The following TAX1BP1 variants were observed in gnomAD, a reference collection of about 807,000 sequenced individuals.
TAX1BP1 encodes Tax1 binding protein 1.
In TAX1BP1, 62 loss-of-function variants were observed where a neutral mutation model predicts 97.7. That is an observed-to-expected ratio of 0.63 (90% CI 0.52 to 0.78). The LOEUF (loss-of-function observed/expected upper bound fraction) is 0.78, where lower values mean the gene tolerates loss of function less well. Ranked by LOEUF, TAX1BP1 falls within the 30% of genes least tolerant of loss-of-function variation. The pLI, the probability that TAX1BP1 is intolerant of heterozygous loss-of-function variation, is 0.00. For synonymous variants in TAX1BP1, 340 were observed against 304.2 expected (o/e 1.12, Z -1.23); for missense variants, 867 against 916.1 (o/e 0.95, Z 0.69).
chr7:27,803,229 A>G, intron 13 of TAX1BP1: 1 of 1,407,272 alleles, frequency 7.1e-7, no homozygotes, highest in Non-Finnish European at 9.4e-7. Context: ...AAACTGAATA[A>G]TAATAGAGCT....
upstream of TAX1BP1, chr7:27,739,430 C>T (rs947928084): frequency 1.3e-5 from 2 of 152,114 alleles, no homozygotes; most frequent in African/African-American, 2.4e-5. Context: ...TGTGGAGTTA[C>T]GATTCAAACT....
Position 27,782,406 on chromosome 7 carries a change from A to AT in TAX1BP1, c.613-2747dup, listed in dbSNP as rs148444978. 8.7e-3 allele frequency among the ~76,000 whole-genome samples: 1,294 copies of AT among 149,084 alleles called. 8 individuals are homozygous for AT. The highest frequency in any genetic ancestry group is 0.015 in the Admixed American group (231 of 14,920). ...AGGCACACACCACCACGCCCAGCTA[A>AT]TTTTTTTTTTCTTTGGTATTTTTAG... On this transcript the variant is annotated intron_variant, in intron 5 of 16. Coordinates refer to ENST00000396319, the MANE Select transcript of TAX1BP1 (RefSeq NM_006024.7).
intron 5 of TAX1BP1, among the ~76,000 whole-genome samples, chr7:27,770,484 T>TA (rs1297980572): frequency 2.6e-5 from 4 of 152,092 alleles, no homozygotes; most frequent in African/African-American, 9.6e-5. Flanking sequence ...TTCTGAAACT[T>TA]ACACAGACTG....
chr7:27,821,634 CA>C (rs372220008), intron 15 of TAX1BP1, among the ~76,000 whole-genome samples: 106 of 125,284 alleles, frequency 8.5e-4, no homozygotes, highest in Middle Eastern at 4.6e-3. Flanking sequence ...GACTCGGTCT[CA>C]AAAAAAAAAA....
At chr7:27,744,187 T>C (rs950058879) in intron 1 of TAX1BP1, among the ~76,000 whole-genome samples, 20 of 152,308 alleles carry the variant, frequency 1.3e-4, no homozygotes, top group Non-Finnish European at 2.4e-4. Flanking sequence ...TGCAATGGCG[T>C]GATCTCAGCT....
chr7:27,793,732 G>A (rs986008249), intron 10 of TAX1BP1, among the ~76,000 whole-genome samples: 5 of 152,292 alleles, frequency 3.3e-5, no homozygotes, highest in African/African-American at 9.6e-5. Flanking sequence ...CAAAGAAGAT[G>A]TTTTTGTTTT....
intron 5 of TAX1BP1, among the ~76,000 whole-genome samples, chr7:27,782,397 G>C (rs1176134784): frequency 1.3e-5 from 2 of 151,664 alleles, no homozygotes; most frequent in African/African-American, 4.8e-5. Flanking sequence ...ACACCACCAC[G>C]CCCAGCTAAT....
intron 11 of TAX1BP1, among the ~76,000 whole-genome samples, chr7:27,795,026 G>A (rs1032640543): frequency 6.6e-6 from 1 of 152,122 alleles, no homozygotes; most frequent in Non-Finnish European, 1.5e-5. Context: ...TGAAAACTTG[G>A]ATTAACTAGG....
Position 27,793,084 on chromosome 7 carries a change from G to T in TAX1BP1, c.1282G>T (p.Glu428Ter). The T allele has an allele frequency of 1.2e-6, 2 of 1,600,542 alleles. No homozygotes were observed. The highest frequency in any genetic ancestry group is 1.8e-5 in the Admixed American group (1 of 55,422). Residue 428 changes from glutamate to a stop codon, truncating the protein, a stop_gained, in exon 10 of 17, where the codon GAA becomes TAA. Transcript: ENST00000396319. LOFTEE classifies it high-confidence loss of function. ...KKDQDKTDTL[E>*]HELRREVEDL... Reference sequence around the variant, plus strand: ...TTTCTAGGACAAGACTGATACACTGGAACACGAACTAAGAAGAGAAGTTGA... The same window carrying T: ...TTTCTAGGACAAGACTGATACACTGTAACACGAACTAAGAAGAGAAGTTGA...
chr7:27,821,293 C>T (rs1790963630), intron 15 of TAX1BP1, among the ~76,000 whole-genome samples: 1 of 151,976 alleles, frequency 6.6e-6, no homozygotes, highest in Non-Finnish European at 1.5e-5. Flanking sequence ...GTGTTTGTTC[C>T]ATTTTTGCCT....
intron 9 of TAX1BP1, among the ~76,000 whole-genome samples, chr7:27,792,436 A>G (rs1789754748): frequency 6.6e-6 from 1 of 152,190 alleles, no homozygotes; most frequent in South Asian, 2.1e-4. Context: ...AGAATTCTTA[A>G]TGGTTGGTGA....
intron 11 of TAX1BP1, among the ~76,000 whole-genome samples, chr7:27,794,870 T>C (rs558737836): frequency 6.6e-6 from 1 of 152,344 alleles, no homozygotes; most frequent in South Asian, 2.1e-4. Flanking sequence ...CATATTTTTC[T>C]ATTTATTCAT....
At chr7:27,797,806 G>T (rs187646080) in intron 12 of TAX1BP1, among the ~76,000 whole-genome samples, 3 of 149,318 alleles carry the variant, frequency 2.0e-5, no homozygotes, top group Admixed American at 2.0e-4. Flanking sequence ...TTGAAAGGAA[G>T]ATAGAATAAT....
intron 2 of TAX1BP1, among the ~76,000 whole-genome samples, chr7:27,751,201 T>C (rs1271103843): frequency 6.6e-6 from 1 of 152,052 alleles, no homozygotes; most frequent in African/African-American, 2.4e-5. Context: ...GAAAAAAAAA[T>C]CTTCTGTTTA....
chr7:27,825,930 A>G (rs1428552527), intron 15 of TAX1BP1, among the ~76,000 whole-genome samples: 2 of 152,200 alleles, frequency 1.3e-5, no homozygotes, highest in East Asian at 3.8e-4. Context: ...ATCTTTTCCA[A>G]TTATTTTCTT....
chr7:27,784,272 C>G (rs1463107828), intron 5 of TAX1BP1, among the ~76,000 whole-genome samples: 1 of 151,932 alleles, frequency 6.6e-6, no homozygotes, highest in Non-Finnish European at 1.5e-5. Flanking sequence ...TCTTAATTTA[C>G]CAATTCTTTT....
intron 5 of TAX1BP1, among the ~76,000 whole-genome samples, chr7:27,779,020 G>T (rs1246677216): frequency 1.3e-5 from 2 of 151,600 alleles, no homozygotes; most frequent in African/African-American, 4.9e-5. Context: ...TCCAGCCCTA[G>T]GTAACCTTGA....
chr7:27,781,977 A>C (rs1384904508), intron 5 of TAX1BP1, among the ~76,000 whole-genome samples: 1 of 152,078 alleles, frequency 6.6e-6, no homozygotes. Flanking sequence ...CGGCCTCCCA[A>C]AATGCTGTGA....
At chr7:27,787,687 C>T (rs1038234741) in intron 8 of TAX1BP1, 84 bp downstream of exon 8, 5 of 1,264,898 alleles carry the variant, frequency 4.0e-6, no homozygotes. Flanking sequence ...TTTAATTCCC[C>T]CAAGCTTTTG....
Sources: allele counts gnomAD v4.1 joint callset (sites outside exome capture counted in the v4.1 genomes callset), GRCh38; gene constraint gnomAD v4.1.1; transcripts MANE v1.5; gene names NCBI Gene and HGNC (gene_info 2026-07-23, HGNC 2026-07-21).